Variants in TTLL11 observed in about 807,000 individuals in gnomAD.
The protein encoded by TTLL11 is tubulin polyglutamylase TTLL11.
Under a neutral mutation model 51.7 loss-of-function variants are expected in TTLL11, and 42 were observed. The observed-to-expected ratio is 0.81, with a 90% CI of 0.64 to 1.05. TTLL11 has a LOEUF of 1.05. Among genes scored for constraint, TTLL11 ranks in the 50% least tolerant of loss-of-function variants. The pLI is 0.00. For missense variants in TTLL11, 799 were observed against 940.4 expected (o/e 0.85, Z 1.97); for synonymous variants, 381 against 383.5 (o/e 0.99, Z 0.08).
chr9:121,996,957 C>G (rs909120281), intron 3 of TTLL11, among the ~76,000 whole-genome samples: 1 of 152,172 alleles, frequency 6.6e-6, no homozygotes, highest in Non-Finnish European at 1.5e-5. Context: ...TTCTGGGCCA[C>G]GCTGCCCTTT....
chr9:122,047,667 T>C (rs905858990), intron 1 of TTLL11, among the ~76,000 whole-genome samples: 1 of 152,124 alleles, frequency 6.6e-6, no homozygotes, highest in Non-Finnish European at 1.5e-5. Context: ...AGATGAACAT[T>C]AAAAACTGCT....
rs1415177540 is a variant in TTLL11, at chr9:121,974,052, T to G, written c.1438A>C (p.Thr480Pro). Reference protein sequence around the residue: ...EEVKVAVIRDTLRLMDPLKKK... With the variant: ...EEVKVAVIRDPLRLMDPLKKK... ...TTAAGTGGGTCCATGAGGCGCAGAG[T>G]GTCTCTGATCACAGCCACTTTCACT... Residue 480 changes from threonine to proline, a missense_variant, in exon 6 of 9, where the codon ACT (threonine) becomes CCT (proline). Coordinates refer to ENST00000321582, the MANE Select transcript of TTLL11 (RefSeq NM_001139442.2). 6.4e-7 allele frequency: 1 copy of G among 1,551,668 alleles called. No homozygotes were observed. The highest frequency in any genetic ancestry group is 2.4e-5 in the East Asian group (1 of 40,904).
At chr9:121,939,579 A>G (rs539371120) in intron 6 of TTLL11, among the ~76,000 whole-genome samples, 2 of 152,184 alleles carry the variant, frequency 1.3e-5, no homozygotes, top group Non-Finnish European at 2.9e-5. Context: ...TTAAAAAAGC[A>G]CAAGAGTGAG....
intron 3 of TTLL11, among the ~76,000 whole-genome samples, chr9:122,018,681 A>G (rs1485454219): frequency 6.6e-6 from 1 of 152,198 alleles, no homozygotes; most frequent in Admixed American, 6.5e-5. Context: ...GCAAATGACT[A>G]CTGTGGGGTT....
intron 1 of TTLL11, among the ~76,000 whole-genome samples, chr9:122,071,901 G>A (rs746071450): frequency 5.9e-5 from 9 of 152,160 alleles, no homozygotes; most frequent in Non-Finnish European, 1.2e-4. Flanking sequence ...CCAGCTGCTC[G>A]CCAGATGTTA....
intron 6 of TTLL11, among the ~76,000 whole-genome samples, chr9:121,921,462 C>T (rs1840541176): frequency 6.6e-6 from 1 of 152,154 alleles, no homozygotes; most frequent in African/African-American, 2.4e-5. Flanking sequence ...AAAAAAAACT[C>T]GCCACAGGAT....
chr9:121,877,572 A>T (rs1472124894), intron 6 of TTLL11, among the ~76,000 whole-genome samples: 1 of 152,192 alleles, frequency 6.6e-6, no homozygotes, highest in Non-Finnish European at 1.5e-5. Flanking sequence ...AACCCCGGTC[A>T]GGCCACTTCC....
In TTLL11 at chr9:121,894,845, C is replaced by T. The variant is rs113399156; in HGVS notation, c.1482-24097G>A. On this transcript the variant is annotated intron_variant, in intron 6 of 8. Transcript: ENST00000321582. ...CAAACCACCATGGCACATTGTATAC[C>T]TATGTAACAAACCTGCACCTTCTGC... Among the ~76,000 whole-genome samples, 462 of 152,162 alleles carry T rather than the reference C, an allele frequency of 3.0e-3. 3 individuals carry two copies. The highest frequency in any genetic ancestry group is 0.011 in the African/African-American group (442 of 41,498).
At chr9:121,872,157 G>C (rs1838381441) in intron 6 of TTLL11, among the ~76,000 whole-genome samples, 1 of 152,230 alleles carries the variant, frequency 6.6e-6, no homozygotes, top group Non-Finnish European at 1.5e-5. Flanking sequence ...TTCCAAGCAA[G>C]CACACCATTA....
intron 1 of TTLL11, among the ~76,000 whole-genome samples, chr9:122,041,705 A>G (rs1180849493): frequency 6.6e-6 from 1 of 152,166 alleles, no homozygotes; most frequent in African/African-American, 2.4e-5. Flanking sequence ...CTTAGGAATT[A>G]ACCAAAAAGG....
At chr9:121,958,865 G>A (rs949225511) in intron 6 of TTLL11, among the ~76,000 whole-genome samples, 2 of 152,144 alleles carry the variant, frequency 1.3e-5, no homozygotes, top group Non-Finnish European at 2.9e-5. Context: ...ACAATGAGCA[G>A]AGGAGGCTCG....
chr9:121,906,347 A>ATT (rs759069122), intron 6 of TTLL11, among the ~76,000 whole-genome samples: 23,261 of 55,368 alleles, frequency 0.42, 3,084 homozygotes, highest in East Asian at 0.57. Context: ...TAATTTTTAA[A>ATT]AAAAAAAAAA....
chr9:121,920,798 TTG>T (rs1840510688), intron 6 of TTLL11, among the ~76,000 whole-genome samples: 1 of 152,168 alleles, frequency 6.6e-6, no homozygotes, highest in Non-Finnish European at 1.5e-5. Flanking sequence ...CATTTCAGTC[TTG>T]TGAAGACCAT....
chr9:121,837,296 T>C (rs780424292), intron 8 of TTLL11, among the ~76,000 whole-genome samples: 1 of 120,756 alleles, frequency 8.3e-6, no homozygotes, highest in Non-Finnish European at 1.7e-5. Context: ...CTCTTTCCAG[T>C]GGAACTTATG....
rs149752780 is a variant in TTLL11 at position 122,081,917 on chromosome 9, G to T, written c.462+10770C>A. On this transcript the variant is annotated intron_variant, in intron 1 of 8. Coordinates refer to ENST00000321582, the MANE Select transcript of TTLL11 (RefSeq NM_001139442.2). ...ATAAAATGAACAAAAAATAGATTCA[G>T]TCATTTCACAGATGAAGCAAGACAA... 1.6e-3 allele frequency among the ~76,000 whole-genome samples: 250 copies of T among 152,268 alleles called. 1 individual carries two copies. The highest frequency in any genetic ancestry group is 5.9e-3 in the African/African-American group (246 of 41,546).
chr9:121,825,766 T>C (rs1409784198), intron 8 of TTLL11, among the ~76,000 whole-genome samples: 1 of 151,800 alleles, frequency 6.6e-6, no homozygotes, highest in Non-Finnish European at 1.5e-5. Flanking sequence ...ACTCAACAAA[T>C]GTCAGTTTCG....
intron 6 of TTLL11, among the ~76,000 whole-genome samples, chr9:121,935,245 C>T (rs1235886685): frequency 1.3e-5 from 2 of 152,184 alleles, no homozygotes; most frequent in Non-Finnish European, 2.9e-5. Flanking sequence ...GCGTGAGCCA[C>T]CACACCCGGT....
intron 3 of TTLL11, among the ~76,000 whole-genome samples, chr9:122,019,333 G>A (rs1200624758): frequency 6.6e-6 from 1 of 152,038 alleles, no homozygotes; most frequent in Non-Finnish European, 1.5e-5. Flanking sequence ...TCTCCCCTCT[G>A]CACTTAAAAC....
chr9:121,864,320 T>A (rs1479335638), intron 7 of TTLL11, among the ~76,000 whole-genome samples: 2 of 152,278 alleles, frequency 1.3e-5, no homozygotes, highest in Non-Finnish European at 1.5e-5. Context: ...AGAACAGTTT[T>A]CCCTTATGCC....
Sources: allele counts gnomAD v4.1 joint callset (sites outside exome capture counted in the v4.1 genomes callset), GRCh38; gene constraint gnomAD v4.1.1; transcripts MANE v1.5; gene names NCBI Gene and HGNC (gene_info 2026-07-23, HGNC 2026-07-21).